ATRNL1: variants seen among roughly 807,000 people sequenced by gnomAD.
ATRNL1 encodes attractin-like protein 1.
ATRNL1 carries 95 observed loss-of-function variants against 182.7 expected under a neutral mutation model. The ratio of observed to expected loss-of-function variants is 0.52; its 90% CI spans 0.44 to 0.62. The LOEUF (loss-of-function observed/expected upper bound fraction) is 0.62, where lower values mean the gene tolerates loss of function less well. Among genes scored for constraint, ATRNL1 ranks in the 20% least tolerant of loss-of-function variants. The pLI, the probability that ATRNL1 is intolerant of heterozygous loss-of-function variation, is 0.00. For synonymous variants in ATRNL1, 576 were observed against 568.3 expected, an observed-to-expected ratio of 1.01 and a Z score of -0.19; for missense variants, 1,471 against 1,679.5, an observed-to-expected ratio of 0.88 and a Z score of 2.17.
chr10:115,433,860 A>T (rs547503261), intron 21 of ATRNL1, among the ~76,000 whole-genome samples: 3 of 152,308 alleles, frequency 2.0e-5, no homozygotes, highest in African/African-American at 7.2e-5. Flanking sequence ...AAAAAATAAT[A>T]AAAAAGTTTA....
intron 27 of ATRNL1, among the ~76,000 whole-genome samples, chr10:115,839,509 G>A (rs782173480): frequency 2.6e-4 from 39 of 151,812 alleles, no homozygotes; most frequent in East Asian, 1.9e-4. Flanking sequence ...AACTTCTATC[G>A]ATTTCCAATA....
At chr10:115,359,280 G>C (rs1856634810) in intron 19 of ATRNL1, among the ~76,000 whole-genome samples, 1 of 151,544 alleles carries the variant, frequency 6.6e-6, no homozygotes, top group South Asian at 2.1e-4. Flanking sequence ...CTATTAGGTA[G>C]TACTGTACTT....
intron 27 of ATRNL1, among the ~76,000 whole-genome samples, chr10:115,841,227 A>T (rs1555097022): frequency 6.6e-6 from 1 of 152,056 alleles, no homozygotes; most frequent in Non-Finnish European, 1.5e-5. Flanking sequence ...ACTTTCTGGG[A>T]CCTAAACACC....
At chr10:115,165,452 T>C (rs1489670767) in intron 6 of ATRNL1, 106 bp from the exon 7 acceptor site, 2 of 512,832 alleles carry the variant, frequency 3.9e-6, no homozygotes, top group East Asian at 3.1e-5. Flanking sequence ...GTAACTCTTT[T>C]TGAATTTAAT....
At chr10:115,145,390 A>G (rs1251757082) in intron 5 of ATRNL1, among the ~76,000 whole-genome samples, 1 of 152,152 alleles carries the variant, frequency 6.6e-6, no homozygotes, top group Non-Finnish European at 1.5e-5. Flanking sequence ...CAAGAGGGCA[A>G]TTTGTTTCCA....
chr10:115,389,588 ATATTTCATCCAATGATGGACACC>A lies in ATRNL1; in HGVS notation c.3176-5068_3176-5046del, dbSNP rs1265852223. 7.5e-4 allele frequency among the ~76,000 whole-genome samples: 71 copies of A among 94,848 alleles called. 1 individual carries two copies. Among genetic ancestry groups the A allele is most frequent in the African/African-American group, 2.8e-3 (64 of 22,568 alleles). 62.2% of individuals were successfully genotyped at this position (94,848 alleles called of 152,430 possible). A position where few individuals can be genotyped will look rare whatever the true frequency, so the allele number is the denominator to read the frequency against. On this transcript the variant is annotated intron_variant, in intron 19 of 28. Coordinates refer to ENST00000355044, the MANE Select transcript of ATRNL1 (RefSeq NM_207303.4). ...TATATATATATATATATATATATAT[ATATTTCATCCAATGATGGACACC>A]TAGGTTGCATCTATATTGTAGCTAT...
chr10:115,722,712 A>G (rs947212710), intron 26 of ATRNL1, among the ~76,000 whole-genome samples: 1 of 152,114 alleles, frequency 6.6e-6, no homozygotes, highest in African/African-American at 2.4e-5. Context: ...TTTGAATATA[A>G]TTGCTGTTAG....
intron 26 of ATRNL1, among the ~76,000 whole-genome samples, chr10:115,584,859 C>A (rs1391556588): frequency 6.6e-6 from 1 of 151,354 alleles, no homozygotes; most frequent in Non-Finnish European, 1.5e-5. Flanking sequence ...AATTTTGGAT[C>A]TTTCCTGCTT....
intron 28 of ATRNL1, among the ~76,000 whole-genome samples, chr10:115,927,991 C>G (rs1589706745): frequency 2.0e-5 from 3 of 151,768 alleles, no homozygotes; most frequent in Admixed American, 2.0e-4. Flanking sequence ...GAAAATAATC[C>G]CTCTTCAGAA....
At chr10:115,541,433 A>C (rs12260832) in intron 25 of ATRNL1, among the ~76,000 whole-genome samples, 2,797 of 152,326 alleles carry the variant, frequency 0.018, 81 homozygotes, top group African/African-American at 0.064. Flanking sequence ...ATGCAGAACT[A>C]TTCATACTTT....
chr10:115,787,568 T>C (rs1172575052), intron 27 of ATRNL1, among the ~76,000 whole-genome samples: 1 of 152,184 alleles, frequency 6.6e-6, no homozygotes, highest in Non-Finnish European at 1.5e-5. Flanking sequence ...GGATATTATA[T>C]TTAGAAGCTT....
chr10:115,895,458 A>C (rs1300618421), intron 28 of ATRNL1, among the ~76,000 whole-genome samples: 3 of 152,340 alleles, frequency 2.0e-5, no homozygotes, highest in African/African-American at 7.2e-5. Flanking sequence ...GCTTTGTGGA[A>C]GCTCCAGCAC....
chr10:115,753,674 C>G (rs986720606), intron 27 of ATRNL1, among the ~76,000 whole-genome samples: 3 of 152,142 alleles, frequency 2.0e-5, no homozygotes, highest in East Asian at 1.9e-4. Flanking sequence ...GACTTATAAT[C>G]CTTTGGGTAC....
intron 28 of ATRNL1, among the ~76,000 whole-genome samples, chr10:115,918,019 T>G (rs536742093): frequency 8.5e-5 from 13 of 152,272 alleles, no homozygotes; most frequent in African/African-American, 3.1e-4. Flanking sequence ...TCAAAATGTT[T>G]ATTGCCTTGC....
At chr10:115,489,595 C>A (rs1467094971) in intron 24 of ATRNL1, among the ~76,000 whole-genome samples, 1 of 152,132 alleles carries the variant, frequency 6.6e-6, no homozygotes, top group Non-Finnish European at 1.5e-5. Context: ...ATTTTTCCAT[C>A]CCTTTATTTT....
At chr10:115,531,947 G>T (rs28773547) in intron 25 of ATRNL1, among the ~76,000 whole-genome samples, 2 of 139,192 alleles carry the variant, frequency 1.4e-5, no homozygotes, top group African/African-American at 5.0e-5. Flanking sequence ...GTAGATATGC[G>T]GCATTATTTC....
chr10:115,333,643 C>T (rs1359615600), intron 18 of ATRNL1, among the ~76,000 whole-genome samples: 6 of 151,952 alleles, frequency 3.9e-5, no homozygotes, highest in African/African-American at 1.2e-4. Flanking sequence ...CACCACCATG[C>T]CCAGCTAATT....
rs559875514 is a variant in ATRNL1, at chr10:115,387,605, C to G, written c.3176-7054C>G. On this transcript the variant is annotated intron_variant, in intron 19 of 28. Coordinates refer to ENST00000355044, the MANE Select transcript of ATRNL1 (RefSeq NM_207303.4). ...AGAAAACCCATAACCATTAAACAACCCAGCCCTGGGCAGCTACAAATCTGC... is the reference window on the plus strand; with the variant it reads ...AGAAAACCCATAACCATTAAACAACGCAGCCCTGGGCAGCTACAAATCTGC... Among the ~76,000 whole-genome samples the G allele has an allele frequency of 6.6e-5, 10 of 152,254 alleles. No individual in the cohort carries two copies. The South Asian group carries it at 2.1e-3, about 32-fold the overall frequency.
chr10:115,500,668 A>G (rs1260063285), intron 24 of ATRNL1, among the ~76,000 whole-genome samples: 6 of 150,900 alleles, frequency 4.0e-5, no homozygotes, highest in African/African-American at 1.5e-4. Context: ...CAGCCTCCTG[A>G]GTAGCTGGGA....
Sources: allele counts gnomAD v4.1 joint callset (sites outside exome capture counted in the v4.1 genomes callset), GRCh38; gene constraint gnomAD v4.1.1; transcripts MANE v1.5; gene names NCBI Gene and HGNC (gene_info 2026-07-23, HGNC 2026-07-21).